The following FHIT variants were observed in gnomAD, a reference collection of about 807,000 sequenced individuals.
The protein encoded by FHIT is bis(5'-adenosyl)-triphosphatase.
FHIT carries 19 observed loss-of-function variants against 17.9 expected under a neutral mutation model. The observed-to-expected ratio is 1.06, with a 90% CI of 0.74 to 1.56. The LOEUF (loss-of-function observed/expected upper bound fraction) is 1.56. Ranked by LOEUF, FHIT falls within the 40% of genes most tolerant of loss-of-function variation. The probability of loss-of-function intolerance (pLI) is 0.00; values close to 1 mark genes in which losing one functional copy is unlikely to be tolerated. For missense variants in FHIT, 248 were observed against 189.2 expected (o/e 1.31, Z -1.82); for synonymous variants, 81 against 69.7 (o/e 1.16, Z -0.81).
chr3:60,510,056 A>G (rs1206275106), intron 5 of FHIT, among the ~76,000 whole-genome samples: 1 of 152,166 alleles, frequency 6.6e-6, no homozygotes, highest in Non-Finnish European at 1.5e-5. Flanking sequence ...TTATTTTGCC[A>G]TCTTTATTTT....
intron 4 of FHIT, among the ~76,000 whole-genome samples, chr3:60,651,160 T>C (rs79019400): frequency 1.9e-3 from 295 of 152,284 alleles, no homozygotes; most frequent in Non-Finnish European, 3.2e-3. Flanking sequence ...CATTATTCTA[T>C]GATGAGCATT....
At chr3:60,649,713 C>T (rs2039948184) in intron 4 of FHIT, among the ~76,000 whole-genome samples, 1 of 152,004 alleles carries the variant, frequency 6.6e-6, no homozygotes, top group Admixed American at 6.5e-5. Context: ...TGTAGGATAA[C>T]TGATATTTTT....
At chr3:60,368,886 T>C (rs898449536) in intron 5 of FHIT, among the ~76,000 whole-genome samples, 5 of 152,212 alleles carry the variant, frequency 3.3e-5, no homozygotes, top group Non-Finnish European at 7.3e-5. Flanking sequence ...TCTATTGATA[T>C]GGCTCAAAGT....
chr3:59,944,131 G>A (rs2366965), intron 7 of FHIT, among the ~76,000 whole-genome samples: 6,140 of 152,244 alleles, frequency 0.04, 174 homozygotes, highest in African/African-American at 0.075. Context: ...GTACAAAATA[G>A]TACAGAGAGA....
At chr3:61,116,612 C>T (rs934841539) in intron 2 of FHIT, among the ~76,000 whole-genome samples, 9 of 151,984 alleles carry the variant, frequency 5.9e-5, no homozygotes, top group Non-Finnish European at 8.8e-5. Context: ...TTCTCTCACA[C>T]TAGAGGTAGT....
intron 5 of FHIT, among the ~76,000 whole-genome samples, chr3:60,183,694 G>T (rs138522879): frequency 2.0e-5 from 3 of 152,074 alleles, no homozygotes; most frequent in Non-Finnish European, 4.4e-5. Context: ...ACACCCTCTT[G>T]CCTCCCCAGA....
At chr3:60,546,877 CT>C (rs2036384797) in intron 4 of FHIT, among the ~76,000 whole-genome samples, 1 of 152,158 alleles carries the variant, frequency 6.6e-6, no homozygotes. Context: ...AGTTTTCTCT[CT>C]TTCCCTACCC....
chr3:59,771,600 G>T (rs2106833591), intron 8 of FHIT, among the ~76,000 whole-genome samples: 1 of 152,270 alleles, frequency 6.6e-6, no homozygotes, highest in African/African-American at 2.4e-5. Flanking sequence ...TTACTAAAGG[G>T]CAGCTACTCC....
intron 2 of FHIT, among the ~76,000 whole-genome samples, chr3:61,053,818 G>C (rs1286099820): frequency 6.6e-6 from 1 of 152,112 alleles, no homozygotes; most frequent in Admixed American, 6.6e-5. Context: ...ATATGGAAGA[G>C]AGAAATTACT....
chr3:60,446,927 A>G (rs1278786504), intron 5 of FHIT, among the ~76,000 whole-genome samples: 1 of 151,366 alleles, frequency 6.6e-6, no homozygotes, highest in Non-Finnish European at 1.5e-5. Flanking sequence ...AAATCTACCC[A>G]AGGCACCCAT....
intron 8 of FHIT, among the ~76,000 whole-genome samples, chr3:59,758,588 A>G (rs1701338915): frequency 6.6e-6 from 1 of 152,178 alleles, no homozygotes; most frequent in Non-Finnish European, 1.5e-5. Flanking sequence ...TACGTCCTTG[A>G]TAAGGCATCA....
intron 7 of FHIT, among the ~76,000 whole-genome samples, chr3:59,922,782 C>G (rs1705471434): frequency 6.6e-6 from 1 of 152,130 alleles, no homozygotes; most frequent in Non-Finnish European, 1.5e-5. Context: ...AATTGGCTAA[C>G]AGAGAACTGC....
At chr3:60,246,928 GT>G (rs1705426231) in intron 5 of FHIT, among the ~76,000 whole-genome samples, 1 of 152,122 alleles carries the variant, frequency 6.6e-6, no homozygotes, top group Admixed American at 6.6e-5. Context: ...GCTTATAAAA[GT>G]GGAACACAGA....
At chr3:60,557,255 G>C (rs976280605) in intron 4 of FHIT, among the ~76,000 whole-genome samples, 1 of 152,134 alleles carries the variant, frequency 6.6e-6, no homozygotes, top group Non-Finnish European at 1.5e-5. Context: ...TTGTACCCAG[G>C]TATGTGACAC....
intron 2 of FHIT, among the ~76,000 whole-genome samples, chr3:61,147,771 G>C (rs1420815910): frequency 6.6e-6 from 1 of 151,940 alleles, no homozygotes; most frequent in Non-Finnish European, 1.5e-5. Context: ...ATGAAGTAAA[G>C]ATTTAGGGAG....
chr3:60,032,987 C>T (rs976846355), intron 5 of FHIT, among the ~76,000 whole-genome samples: 6 of 151,888 alleles, frequency 4.0e-5, no homozygotes, highest in African/African-American at 1.5e-4. Flanking sequence ...CAGACAAATC[C>T]GTACTATAGA....
intron 5 of FHIT, among the ~76,000 whole-genome samples, chr3:60,336,366 G>A (rs973077730): frequency 6.6e-6 from 1 of 152,182 alleles, no homozygotes; most frequent in African/African-American, 2.4e-5. Flanking sequence ...AGTTACAAAG[G>A]AGATTAAAAG....
intron 5 of FHIT, among the ~76,000 whole-genome samples, chr3:60,254,821 T>C (rs1259970723): frequency 6.6e-6 from 1 of 152,194 alleles, no homozygotes. Context: ...CAATTGTAAA[T>C]GTCTAAAGCT....
At chr3:61,008,793 A>G (rs776012595) in intron 3 of FHIT, among the ~76,000 whole-genome samples, 9 of 152,204 alleles carry the variant, frequency 5.9e-5, no homozygotes, top group Non-Finnish European at 1.3e-4. Context: ...TAAATCCAAT[A>G]ACAAGTTCAG....
Sources: allele counts gnomAD v4.1 joint callset (sites outside exome capture counted in the v4.1 genomes callset), GRCh38; gene constraint gnomAD v4.1.1; transcripts MANE v1.5; gene names NCBI Gene and HGNC (gene_info 2026-07-23, HGNC 2026-07-21).